The following CTSO variants were observed in gnomAD, a reference collection of about 807,000 sequenced individuals.
CTSO encodes cathepsin O.
CTSO carries 40 observed loss-of-function variants against 42.4 expected under a neutral mutation model. That is an observed-to-expected ratio of 0.94 (90% CI 0.73 to 1.23). The LOEUF is 1.23. Among genes scored for constraint, CTSO ranks in the 50% most tolerant of loss-of-function variants. CTSO has a pLI of 0.00. For missense variants in CTSO, 441 were observed against 396.0 expected, an observed-to-expected ratio of 1.11 and a Z score of -0.96; for synonymous variants, 156 against 146.2, an observed-to-expected ratio of 1.07 and a Z score of -0.48.
chr4:155,925,906 A>T lies in CTSO; in HGVS notation c.*130T>A. On this transcript the variant is annotated 3_prime_UTR_variant, in exon 8 of 8. Transcript: ENST00000433477. ...GAACATTCTGAAACTTAGTTTAAAT[A>T]CTACTAGGCCTTAGAATCTTTTGTA... 1 of 770,280 alleles carries T rather than the reference A, an allele frequency of 1.3e-6. No individual in the cohort carries two copies. Among genetic ancestry groups the T allele is most frequent in the Non-Finnish European group, 2.1e-6 (1 of 473,646 alleles). The allele number at this position is 770,280 out of a possible 1,614,324, so 47.7% of individuals were successfully genotyped here.
intron 5 of CTSO, among the ~76,000 whole-genome samples, chr4:155,933,373 C>G (rs1743269178): frequency 6.6e-6 from 1 of 152,044 alleles, no homozygotes; most frequent in South Asian, 2.1e-4. Context: ...AACTGTAAGT[C>G]CAATTAAACC....
At chr4:155,936,497 C>G (rs187736707) in intron 5 of CTSO, among the ~76,000 whole-genome samples, 93 of 152,234 alleles carry the variant, frequency 6.1e-4, no homozygotes, top group Admixed American at 4.9e-3. Context: ...TTCCTGTTTT[C>G]TCTGTTTCAA....
rs189384206 is a variant in CTSO at position 155,934,305 on chromosome 4, A to T, written c.674+3057T>A. 2.4e-3 allele frequency among the ~76,000 whole-genome samples: 366 copies of T among 152,304 alleles called. 1 individual carries two copies. Among genetic ancestry groups the T allele is most frequent in the African/African-American group, 6.8e-3 (283 of 41,574 alleles). On this transcript the variant is annotated intron_variant, in intron 5 of 7. Coordinates refer to ENST00000433477, the MANE Select transcript of CTSO (RefSeq NM_001334.3). ...GGAACCTCCACCTAGATTTCAGAAGATGTATGGAGATGCCTGGATGCCCAG... is the reference window on the plus strand; with the variant it reads ...GGAACCTCCACCTAGATTTCAGAAGTTGTATGGAGATGCCTGGATGCCCAG...
chr4:155,950,412 A>G (rs956645844), intron 1 of CTSO, among the ~76,000 whole-genome samples: 2 of 152,240 alleles, frequency 1.3e-5, no homozygotes, highest in African/African-American at 4.8e-5. Flanking sequence ...AGTATTGGAT[A>G]AATGTATGGG....
chr4:155,948,487 C>T (rs939747464), intron 1 of CTSO, among the ~76,000 whole-genome samples: 5 of 152,068 alleles, frequency 3.3e-5, no homozygotes, highest in African/African-American at 1.2e-4. Flanking sequence ...TCTAATTTCC[C>T]GCCTGTTAGC....
At chr4:155,931,071 CAT>C (rs1352700191) in intron 5 of CTSO, among the ~76,000 whole-genome samples, 6 of 152,132 alleles carry the variant, frequency 3.9e-5, no homozygotes, top group Non-Finnish European at 5.9e-5. Context: ...TTTTGCAAGA[CAT>C]AAATTATGTA....
At chr4:155,953,492 A>G (rs1337086115) in intron 1 of CTSO, among the ~76,000 whole-genome samples, 1 of 152,198 alleles carries the variant, frequency 6.6e-6, no homozygotes, top group East Asian at 1.9e-4. Flanking sequence ...TGGAAAATCA[A>G]GTCTTTTGGT....
At chr4:155,936,998 C>A (rs1743342225) in intron 5 of CTSO, among the ~76,000 whole-genome samples, 1 of 152,032 alleles carries the variant, frequency 6.6e-6, no homozygotes, top group Non-Finnish European at 1.5e-5. Flanking sequence ...TTGAAATATG[C>A]TAATGGTAAT....
Position 155,928,434 on chromosome 4 carries a change from G to A in CTSO, c.839-6C>T, listed in dbSNP as rs1381012650. On this transcript the variant is annotated splice_region_variant and splice_polypyrimidine_tract_variant and intron_variant, in intron 6 of 7. Transcript: ENST00000433477. ...AATCCAATATGGAGTGCTTCCTACA[G>A]TGAAACATAAATAGTAACAAATCCT... The A allele has an allele frequency of 6.3e-7, 1 of 1,588,836 alleles. No individual in the cohort carries two copies. The highest frequency in any genetic ancestry group is 1.2e-5 in the South Asian group (1 of 86,722).
chr4:155,944,304 C>G (rs781295304), intron 1 of CTSO, among the ~76,000 whole-genome samples: 1 of 151,960 alleles, frequency 6.6e-6, no homozygotes, highest in Non-Finnish European at 1.5e-5. Context: ...TTGTGCATAC[C>G]TAGGAAGATT....
intron 5 of CTSO, among the ~76,000 whole-genome samples, chr4:155,930,689 G>A (rs976611296): frequency 6.6e-6 from 1 of 152,056 alleles, no homozygotes; most frequent in East Asian, 1.9e-4. Context: ...CTTTCATGAC[G>A]ACCAGCTGGA....
intron 6 of CTSO, 149 bp from the exon 7 acceptor site, chr4:155,928,577 T>G: frequency 1.7e-6 from 1 of 586,320 alleles, no homozygotes; most frequent in Admixed American, 3.3e-5. Context: ...TTAAACTACT[T>G]TATTTTAACT....
intron 1 of CTSO, among the ~76,000 whole-genome samples, chr4:155,952,737 A>C (rs1743698990): frequency 6.6e-6 from 1 of 152,256 alleles, no homozygotes; most frequent in Admixed American, 6.5e-5. Context: ...GGGGGAAAAG[A>C]GCACAGCTAT....
At chr4:155,932,232 C>A (rs1277890063) in intron 5 of CTSO, among the ~76,000 whole-genome samples, 1 of 152,068 alleles carries the variant, frequency 6.6e-6, no homozygotes, top group Non-Finnish European at 1.5e-5. Flanking sequence ...CTTTCAGGTT[C>A]TGTACAATGT....
At chr4:155,945,570 A>G (rs1743528143) in intron 1 of CTSO, among the ~76,000 whole-genome samples, 1 of 152,204 alleles carries the variant, frequency 6.6e-6, no homozygotes, top group Non-Finnish European at 1.5e-5. Context: ...TTTTTGGTGA[A>G]CTTTATACAA....
intron 5 of CTSO, among the ~76,000 whole-genome samples, chr4:155,934,418 C>T (rs1051110878): frequency 6.6e-6 from 1 of 152,190 alleles, no homozygotes; most frequent in Non-Finnish European, 1.5e-5. Context: ...AGGCTCCACA[C>T]AGAGTCCCAC....
chr4:155,938,890 G>T (rs1226116327), intron 4 of CTSO, among the ~76,000 whole-genome samples: 1 of 152,154 alleles, frequency 6.6e-6, no homozygotes, highest in African/African-American at 2.4e-5. Context: ...CCGGGAGGTG[G>T]AGGTTGCAGT....
chr4:155,951,899 C>G (rs886390489), intron 1 of CTSO, among the ~76,000 whole-genome samples: 2 of 152,110 alleles, frequency 1.3e-5, no homozygotes, highest in Non-Finnish European at 2.9e-5. Context: ...CCATCTCCCC[C>G]ACTTCCCTCC....
intron 5 of CTSO, among the ~76,000 whole-genome samples, chr4:155,934,781 A>C (rs891502385): frequency 6.6e-6 from 1 of 152,106 alleles, no homozygotes; most frequent in Non-Finnish European, 1.5e-5. Context: ...CTGTATCCCT[A>C]CTGCATCTAG....
Sources: gnomAD v4.1 joint callset for allele counts (sites outside exome capture counted in the v4.1 genomes callset) on GRCh38, gnomAD v4.1.1 for gene constraint, MANE v1.5 for transcripts, NCBI Gene and HGNC (gene_info 2026-07-23, HGNC 2026-07-21) for gene names.